The following ETHE1 variants were observed in gnomAD, a reference collection of about 807,000 sequenced individuals.
The protein encoded by ETHE1 is ETHE1 persulfide dioxygenase.
Under a neutral mutation model 25.7 loss-of-function variants are expected in ETHE1, and 16 were observed. That is an observed-to-expected ratio of 0.62 (90% CI 0.42 to 0.95). The LOEUF (loss-of-function observed/expected upper bound fraction) is 0.95, where lower values mean the gene tolerates loss of function less well. ETHE1 is among the 40% of genes least tolerant of loss of function. ETHE1 has a pLI of 0.00. For synonymous variants in ETHE1, 139 were observed against 135.9 expected (o/e 1.02, Z -0.16); for missense variants, 300 against 333.6 (o/e 0.90, Z 0.79).
At chr19:43,507,200 T>A (rs12977383) in intron 6 of ETHE1, among the ~76,000 whole-genome samples, 3 of 32,838 alleles carry the variant, frequency 9.1e-5, no homozygotes, top group African/African-American at 1.3e-4. Context: ...AGGAGTCCAG[T>A]CCCCCAGCCC....
At chr19:43,526,983 C>A (rs1972265015) in intron 1 of ETHE1, 114 bp downstream of exon 1, 1 of 1,532,252 alleles carries the variant, frequency 6.5e-7, no homozygotes, top group Non-Finnish European at 8.7e-7. Context: ...CCCCGCTTTC[C>A]GCAAGATGCA....
At chr19:43,520,022 G>A (rs1475301484) in intron 3 of ETHE1, among the ~76,000 whole-genome samples, 2 of 145,516 alleles carry the variant, frequency 1.4e-5, no homozygotes, top group African/African-American at 5.1e-5. Context: ...TACCAGCCTG[G>A]ACAACATAGC....
At chr19:43,511,335 A>G (rs756603779) in intron 4 of ETHE1, 102 bp downstream of exon 4, 8 of 1,561,188 alleles carry the variant, frequency 5.1e-6, no homozygotes, top group Non-Finnish European at 7.0e-6. Context: ...GAAGCCCCCT[A>G]AAAGTCTAAT....
At chr19:43,525,782 A>C (rs1972230698) in intron 3 of ETHE1, 1 of 283,466 alleles carries the variant, frequency 3.5e-6, no homozygotes, top group Admixed American at 5.0e-5. Context: ...TCCTTTTCCT[A>C]GTCCTGGGCT....
chr19:43,516,736 G>T (rs932939694), intron 3 of ETHE1, among the ~76,000 whole-genome samples: 16 of 138,242 alleles, frequency 1.2e-4, no homozygotes, highest in Admixed American at 3.2e-4. Flanking sequence ...AGTGATTCTT[G>T]TGTCTCAGCC....
At chr19:43,521,663 CTG>C (rs1384986083) in intron 3 of ETHE1, among the ~76,000 whole-genome samples, 1 of 147,928 alleles carries the variant, frequency 6.8e-6, no homozygotes, top group Non-Finnish European at 1.5e-5. Context: ...GAGTGAGACT[CTG>C]TCTCTAAAAA....
At chr19:43,524,389 T>TAA (rs771352458) in intron 3 of ETHE1, among the ~76,000 whole-genome samples, 3 of 83,128 alleles carry the variant, frequency 3.6e-5, no homozygotes, top group East Asian at 3.2e-4. Context: ...TGTCTCAAAT[T>TAA]AAAAAAAAAA....
chr19:43,509,816 G>T (rs895474672), intron 4 of ETHE1, among the ~76,000 whole-genome samples: 4 of 152,078 alleles, frequency 2.6e-5, no homozygotes, highest in African/African-American at 9.7e-5. Context: ...AGAAGAAGAA[G>T]AAAGAAACTG....
rs147845770 is a variant in ETHE1, at chr19:43,519,053, A to G, written c.375+7148T>C. ...TTGAGACAGTCTTGCTCTGTGGCCC[A>G]GGCTGGAGTGCAGTGGTGCGATCTC... is the stretch of plus-strand genomic sequence containing the variant. On this transcript the variant is annotated intron_variant, in intron 3 of 6. Transcript: ENST00000292147. 5.4e-3 allele frequency among the ~76,000 whole-genome samples: 640 copies of G among 117,622 alleles called. 16 individuals are homozygous for G. The highest frequency in any genetic ancestry group is 0.011 in the East Asian group (37 of 3,372). The allele number at this position is 117,622 out of a possible 152,430, so 77.2% of individuals were successfully genotyped here. A position where few individuals can be genotyped will look rare whatever the true frequency, so the allele number is the denominator to read the frequency against.
At chr19:43,514,069 G>C (rs111967790) in intron 3 of ETHE1, among the ~76,000 whole-genome samples, 3 of 152,132 alleles carry the variant, frequency 2.0e-5, no homozygotes, top group African/African-American at 7.2e-5. Flanking sequence ...AGTGAAATGA[G>C]TTGAGACTTT....
At chr19:43,517,948 T>TCA in intron 3 of ETHE1, among the ~76,000 whole-genome samples, 1 of 105,234 alleles carries the variant, frequency 9.5e-6, no homozygotes, top group East Asian at 2.6e-4. Context: ...ACACTCCGTC[T>TCA]CAAAAAAAAA....
intron 3 of ETHE1, among the ~76,000 whole-genome samples, chr19:43,523,830 G>C (rs905378888): frequency 6.6e-6 from 1 of 152,136 alleles, no homozygotes; most frequent in South Asian, 2.1e-4. Context: ...CAGCTATTTG[G>C]GAGGCTGAGA....
intron 3 of ETHE1, among the ~76,000 whole-genome samples, chr19:43,522,558 C>A (rs1018235879): frequency 6.6e-6 from 1 of 152,198 alleles, no homozygotes; most frequent in African/African-American, 2.4e-5. Context: ...CTCACTGCAA[C>A]CTCCACCTCC....
chr19:43,518,999 G>GTTTT lies in ETHE1; in HGVS notation c.375+7198_375+7201dup, dbSNP rs71169253. 6.7e-3 allele frequency among the ~76,000 whole-genome samples: 611 copies of GTTTT among 90,918 alleles called. 54 individuals are homozygous for GTTTT. The highest frequency in any genetic ancestry group is 0.013 in the African/African-American group (320 of 24,022). The allele number at this position is 90,918 out of a possible 152,430, so 59.6% of individuals were successfully genotyped here. A position where few individuals can be genotyped will look rare whatever the true frequency, so the allele number is the denominator to read the frequency against. ...CTGATGGCTGATGAAATTTGTGCTT[G>GTTTT]TTTTTTTTTTTTTTTTTTTTTTTTT... On this transcript the variant is annotated intron_variant, in intron 3 of 6. Coordinates refer to ENST00000292147, the MANE Select transcript of ETHE1 (RefSeq NM_014297.5).
intron 3 of ETHE1, among the ~76,000 whole-genome samples, chr19:43,520,043 C>T (rs76924841): frequency 7.2e-6 from 1 of 138,920 alleles, no homozygotes; most frequent in Non-Finnish European, 1.6e-5. Flanking sequence ...GAGACCCCCA[C>T]CCAAAAAAAA....
chr19:43,522,616 G>T (rs985679485), intron 3 of ETHE1, among the ~76,000 whole-genome samples: 34 of 152,148 alleles, frequency 2.2e-4, no homozygotes, highest in African/African-American at 7.2e-4. Context: ...TGAGTAGCTG[G>T]GAATACAGGC....
At position 43,517,810 on chromosome 19, in the gene ETHE1, C is replaced by T. The variant is rs183092500; in HGVS notation, c.376-6244G>A. ...AAAAAAATTAGCCAAGCATGCCAAG[C>T]GTGGTGGCACATGCCTATAGTCCCA... On this transcript the variant is annotated intron_variant, in intron 3 of 6. Coordinates refer to ENST00000292147, the MANE Select transcript of ETHE1 (RefSeq NM_014297.5). Among the ~76,000 whole-genome samples, 123 of 151,052 alleles carry T rather than the reference C, an allele frequency of 8.1e-4. 1 individual carries two copies. The highest frequency in any genetic ancestry group is 2.7e-3 in the African/African-American group (112 of 41,158).
rs544831398 is a variant in ETHE1 at position 43,527,000 on chromosome 19, G to T, written c.81+97C>A. 121 of 1,535,338 alleles carry T rather than the reference G, an allele frequency of 7.9e-5. No individual in the cohort carries two copies. In the East Asian group the frequency reaches 2.8e-3, roughly 36 times the overall value. On this transcript the variant is annotated intron_variant, in intron 1 of 6. Transcript: ENST00000292147. ...CCGCTTTCCGCAAGATGCAGGCGTGGGTCCCCCCGGATCTCTCCCTATTAA... is the reference window on the plus strand; with the variant it reads ...CCGCTTTCCGCAAGATGCAGGCGTGTGTCCCCCCGGATCTCTCCCTATTAA...
chr19:43,522,074 G>A (rs1333984691), intron 3 of ETHE1, among the ~76,000 whole-genome samples: 2 of 152,094 alleles, frequency 1.3e-5, no homozygotes, highest in African/African-American at 4.8e-5. Flanking sequence ...ATCAGTTTTT[G>A]TAAGGCCTGT....
Sources: allele counts gnomAD v4.1 joint callset (sites outside exome capture counted in the v4.1 genomes callset), GRCh38; gene constraint gnomAD v4.1.1; transcripts MANE v1.5; gene names NCBI Gene and HGNC (gene_info 2026-07-23, HGNC 2026-07-21).